RABGAP1L: variants seen among roughly 807,000 people sequenced by gnomAD.
RABGAP1L encodes the protein RAB GTPase activating protein 1 like, also known as rab GTPase-activating protein 1-like.
Under a neutral mutation model 137.7 loss-of-function variants are expected in RABGAP1L, and 63 were observed. That is an observed-to-expected ratio of 0.46 (90% CI 0.37 to 0.56). The LOEUF is 0.56. Among genes scored for constraint, RABGAP1L ranks in the 20% least tolerant of loss-of-function variants. RABGAP1L has a pLI of 0.00. For synonymous variants in RABGAP1L, 431 were observed against 433.7 expected (o/e 0.99, Z 0.08); for missense variants, 1,095 against 1,244.0 (o/e 0.88, Z 1.80).
intron 13 of RABGAP1L, among the ~76,000 whole-genome samples, chr1:174,469,020 G>A (rs1657610888): frequency 6.6e-6 from 1 of 152,144 alleles, no homozygotes; most frequent in African/African-American, 2.4e-5. Flanking sequence ...GATGCCATTA[G>A]CAAAATGTTT....
intron 5 of RABGAP1L, chr1:174,246,355 C>G (rs1672259418): frequency 6.6e-6 from 1 of 152,144 alleles, no homozygotes; most frequent in Non-Finnish European, 1.5e-5. Flanking sequence ...AATGCCCATT[C>G]AAGACTATTT....
intron 1 of RABGAP1L, among the ~76,000 whole-genome samples, chr1:174,215,740 A>G (rs1450697601): frequency 6.6e-6 from 1 of 152,170 alleles, no homozygotes; most frequent in Non-Finnish European, 1.5e-5. Context: ...GCATTAGTAC[A>G]AGCACTATGA....
intron 11 of RABGAP1L, among the ~76,000 whole-genome samples, chr1:174,336,292 T>C (rs1000277443): frequency 3.9e-5 from 6 of 152,104 alleles, no homozygotes; most frequent in African/African-American, 1.4e-4. Context: ...CCCAGGCTAA[T>C]TTTTAAATTT....
intron 19 of RABGAP1L, among the ~76,000 whole-genome samples, chr1:174,918,613 T>A (rs930960665): frequency 2.6e-5 from 4 of 151,916 alleles, no homozygotes; most frequent in African/African-American, 9.7e-5. Flanking sequence ...TGAAACCTCG[T>A]CTCTAGAAAA....
At chr1:174,281,186 G>A (rs1156519893) in intron 10 of RABGAP1L, among the ~76,000 whole-genome samples, 1 of 152,194 alleles carries the variant, frequency 6.6e-6, no homozygotes, top group East Asian at 1.9e-4. Context: ...GAGTGGAAGA[G>A]GACCCGAGCG....
intron 18 of RABGAP1L, among the ~76,000 whole-genome samples, chr1:174,757,681 G>A (rs550467258): frequency 5.9e-4 from 90 of 151,452 alleles, no homozygotes; most frequent in African/African-American, 1.7e-3. Flanking sequence ...TTCTTTTTTG[G>A]GGAGAATATC....
At chr1:174,243,883 C>T (rs556294341) in intron 5 of RABGAP1L, among the ~76,000 whole-genome samples, 59 of 152,328 alleles carry the variant, frequency 3.9e-4, no homozygotes, top group African/African-American at 1.3e-3. Context: ...ATACAGTTTT[C>T]AGTAACAACT....
Position 174,253,394 on chromosome 1 carries a change from C to T in RABGAP1L, c.986+804C>T, listed in dbSNP as rs528329924. Among the ~76,000 whole-genome samples the T allele has an allele frequency of 6.6e-5, 10 of 152,178 alleles. No homozygotes were observed. In the East Asian group the frequency reaches 1.9e-3, roughly 29 times the overall value. ...ATGTCCTTTTTGAAAACCAATTAGG[C>T]AACATATATAAAGATTTTAATACCT... On this transcript the variant is annotated intron_variant, in intron 7 of 25. Coordinates refer to ENST00000681986, the MANE Select transcript of RABGAP1L (RefSeq NM_001366446.1).
At chr1:174,493,620 G>C (rs1368469597) in intron 13 of RABGAP1L, among the ~76,000 whole-genome samples, 1 of 151,484 alleles carries the variant, frequency 6.6e-6, no homozygotes, top group African/African-American at 2.4e-5. Flanking sequence ...AGGAGTTCAA[G>C]ACCAGCCTGG....
rs561997262 is a variant in RABGAP1L, at chr1:174,921,450, A to G, written c.2341-36007A>G. 2.5e-3 allele frequency among the ~76,000 whole-genome samples: 380 copies of G among 152,348 alleles called. 4 individuals carry two copies. The highest frequency in any genetic ancestry group is 8.6e-3 in the African/African-American group (359 of 41,588). On this transcript the variant is annotated intron_variant, in intron 19 of 25. Transcript: ENST00000681986. Reference sequence around the variant, plus strand: ...TCTTACCATTATCACATGCTGAGACATATAATAAAGGTGTACAATTCTTCA... The same window carrying G: ...TCTTACCATTATCACATGCTGAGACGTATAATAAAGGTGTACAATTCTTCA...
chr1:174,927,766 TA>T (rs1033047806), intron 19 of RABGAP1L, among the ~76,000 whole-genome samples: 2 of 152,142 alleles, frequency 1.3e-5, no homozygotes, highest in Non-Finnish European at 2.9e-5. Context: ...ATGAAGCTGT[TA>T]AAAAATCTGA....
chr1:174,758,325 G>C (rs904365985), intron 18 of RABGAP1L, among the ~76,000 whole-genome samples: 1 of 151,378 alleles, frequency 6.6e-6, no homozygotes, highest in African/African-American at 2.4e-5. Context: ...GAGTTCTACA[G>C]ATCTCCAGCC....
chr1:174,540,512 G>A (rs1665296715), intron 13 of RABGAP1L, among the ~76,000 whole-genome samples: 1 of 152,100 alleles, frequency 6.6e-6, no homozygotes, highest in Admixed American at 6.5e-5. Flanking sequence ...TTCTACGTAT[G>A]GCTAGCCAGT....
chr1:174,396,876 T>C (rs749903447), intron 13 of RABGAP1L, among the ~76,000 whole-genome samples: 11 of 151,818 alleles, frequency 7.2e-5, no homozygotes, highest in Non-Finnish European at 1.3e-4. Flanking sequence ...CAGTGGTTCA[T>C]GCCTGTAATT....
At chr1:174,386,327 G>A (rs1418133684) in intron 12 of RABGAP1L, among the ~76,000 whole-genome samples, 1 of 152,166 alleles carries the variant, frequency 6.6e-6, no homozygotes, top group Non-Finnish European at 1.5e-5. Flanking sequence ...TAGGTAGCTA[G>A]TGTAAAAATA....
At chr1:174,904,126 T>C (rs1237790666) in intron 19 of RABGAP1L, among the ~76,000 whole-genome samples, 1 of 152,052 alleles carries the variant, frequency 6.6e-6, no homozygotes, top group African/African-American at 2.4e-5. Flanking sequence ...TGAACTTCCA[T>C]ATCCAAGGTT....
chr1:174,751,948 A>G (rs1245111171), intron 17 of RABGAP1L, among the ~76,000 whole-genome samples: 1 of 152,010 alleles, frequency 6.6e-6, no homozygotes, highest in Non-Finnish European at 1.5e-5. Context: ...TAACACCGAG[A>G]TGTCCAGATT....
chr1:174,183,495 A>G lies in RABGAP1L; in HGVS notation c.-34+23838A>G, dbSNP rs72711485. On this transcript the variant is annotated intron_variant, in intron 1 of 25. Transcript: ENST00000681986. Reference sequence around the variant, plus strand: ...AGGCCCACAGCAAAACTGAGCAGAAAGTACAGACAGTTCCTGCATACCCCT... The same window carrying G: ...AGGCCCACAGCAAAACTGAGCAGAAGGTACAGACAGTTCCTGCATACCCCT... Among the ~76,000 whole-genome samples the G allele has an allele frequency of 1.1e-3, 171 of 152,346 alleles. 1 individual carries two copies. The highest frequency in any genetic ancestry group is 1.5e-3 in the Non-Finnish European group (99 of 68,026).
At chr1:174,209,402 A>C (rs1180276844) in intron 1 of RABGAP1L, among the ~76,000 whole-genome samples, 1 of 152,060 alleles carries the variant, frequency 6.6e-6, no homozygotes, top group East Asian at 1.9e-4. Context: ...GCCAGCATTC[A>C]CCAGAAACTG....
Sources: allele counts gnomAD v4.1 joint callset (sites outside exome capture counted in the v4.1 genomes callset), GRCh38; gene constraint gnomAD v4.1.1; transcripts MANE v1.5; gene names NCBI Gene and HGNC (gene_info 2026-07-23, HGNC 2026-07-21).